KCNQ1: variants seen among roughly 807,000 people sequenced by gnomAD.
KCNQ1 encodes the protein potassium voltage-gated channel subfamily Q member 1.
In KCNQ1, 49 loss-of-function variants were observed where a neutral mutation model predicts 72.4. That is an observed-to-expected ratio of 0.68 (90% CI 0.54 to 0.86). The LOEUF (loss-of-function observed/expected upper bound fraction) is 0.86, where lower values mean the gene tolerates loss of function less well. Ranked by LOEUF, KCNQ1 falls within the 40% of genes least tolerant of loss-of-function variation. The pLI, the probability that KCNQ1 is intolerant of heterozygous loss-of-function variation, is 0.00. For synonymous variants in KCNQ1, 450 were observed against 412.6 expected, an observed-to-expected ratio of 1.09 and a Z score of -1.10; for missense variants, 790 against 945.1, an observed-to-expected ratio of 0.84 and a Z score of 2.15.
chr11:2,574,894 G>A (rs975618230), intron 6 of KCNQ1, among the ~76,000 whole-genome samples: 1 of 152,238 alleles, frequency 6.6e-6, no homozygotes, highest in Non-Finnish European at 1.5e-5. Context: ...GCAGGCCTGA[G>A]CAGGTTTGGG....
intron 1 of KCNQ1, chr11:2,461,474 C>T (rs1005389052): frequency 1.5e-6 from 2 of 1,290,874 alleles, no homozygotes; most frequent in African/African-American, 1.5e-5. Flanking sequence ...TGGCCTGGGG[C>T]TGTGAGAGGC....
Position 2,828,152 on chromosome 11 carries a change from G to T in KCNQ1, c.1795-19615G>T, listed in dbSNP as rs1847876198. ...GCCACGTGCAGAAAGGCACCCATGG[G>T]AACATGGCTCCTGGGAGCTGGAGGA... On this transcript the variant is annotated intron_variant, in intron 15 of 15. Transcript: ENST00000155840. This position sits in a 1 kb window ranked among gnomAD's most constrained non-coding sequence, Gnocchi z 5.3. Among the ~76,000 whole-genome samples the T allele has an allele frequency of 6.6e-6, 1 of 152,226 alleles. No individual in the cohort carries two copies. Among genetic ancestry groups the T allele is most frequent in the African/African-American group, 2.4e-5 (1 of 41,456 alleles).
At position 2,767,727 on chromosome 11, in the gene KCNQ1, T is replaced by C. The variant is rs1846523995; in HGVS notation, c.1515-1117T>C. On this transcript the variant is annotated intron_variant, in intron 11 of 15. Coordinates refer to ENST00000155840, the MANE Select transcript of KCNQ1 (RefSeq NM_000218.3). This position sits in a 1 kb window ranked among gnomAD's most constrained non-coding sequence, Gnocchi z 4.6. Reference sequence around the variant, plus strand: ...AAGCTTCTCTCCACAGTGCCATGCGTCTACTGAGTACTCTGCTTAGCTTTT... The same window carrying C: ...AAGCTTCTCTCCACAGTGCCATGCGCCTACTGAGTACTCTGCTTAGCTTTT... Among the ~76,000 whole-genome samples, 1 of 152,210 alleles carries C rather than the reference T, an allele frequency of 6.6e-6. No individual in the cohort carries two copies. The highest frequency in any genetic ancestry group is 1.5e-5 in the Non-Finnish European group (1 of 68,036).
intron 1 of KCNQ1, among the ~76,000 whole-genome samples, chr11:2,449,362 G>A (rs1049900996): frequency 9.2e-5 from 14 of 152,182 alleles, no homozygotes; most frequent in South Asian, 2.1e-4. Flanking sequence ...TGCATATAAC[G>A]TGCGGGCTGC....
At chr11:2,453,659 A>G (rs1322594433) in intron 1 of KCNQ1, among the ~76,000 whole-genome samples, 3 of 152,344 alleles carry the variant, frequency 2.0e-5, no homozygotes, top group Admixed American at 2.0e-4. Flanking sequence ...GCTGGTAGGC[A>G]TGCAAGAGGG....
chr11:2,838,944 C>T (rs2741955), intron 15 of KCNQ1, among the ~76,000 whole-genome samples: 6 of 152,184 alleles, frequency 3.9e-5, no homozygotes, highest in African/African-American at 9.7e-5. Context: ...CCAGCCTGCC[C>T]GACGTTCCTG....
intron 11 of KCNQ1, among the ~76,000 whole-genome samples, chr11:2,732,028 C>G (rs145457113): frequency 0.015 from 2,273 of 152,358 alleles, 19 homozygotes; most frequent in Non-Finnish European, 0.022. Flanking sequence ...CTTCCTCCCC[C>G]TTCAGAGGAA....
Position 2,725,493 on chromosome 11 carries a change from C to T in KCNQ1, c.1515-43351C>T, listed in dbSNP as rs924264025. The stretch of plus-strand genomic sequence containing the variant: ...CCGGTTGGGGGTCCCCAATCGTCTT[C>T]GAGCTACTGATATAGAACCTCTGCG... On this transcript the variant is annotated intron_variant, in intron 11 of 15. Transcript: ENST00000155840. This position sits in a 1 kb window ranked among gnomAD's most constrained non-coding sequence, Gnocchi z 7.2. Among the ~76,000 whole-genome samples the T allele has an allele frequency of 3.9e-5, 6 of 152,196 alleles. No individual in the cohort carries two copies. In the South Asian group the frequency reaches 6.2e-4, roughly 16 times the overall value.
At position 2,477,933 on chromosome 11, in the gene KCNQ1, G is replaced by A. The variant is rs773615351; in HGVS notation, c.386+32449G>A. 6.6e-6 allele frequency among the ~76,000 whole-genome samples: 1 copy of A among 152,130 alleles called. No homozygotes were observed. The highest frequency in any genetic ancestry group is 1.5e-5 in the Non-Finnish European group (1 of 68,000). On this transcript the variant is annotated intron_variant, in intron 1 of 15. Transcript: ENST00000155840. The surrounding 1 kb of genome is among the most constrained non-coding windows in gnomAD (Gnocchi z 5.0). ...CAAGGAAACCCCGTGGCAGGGGCAG[G>A]GGTTCAAAGAGCTGGTGGTTGTAGT...
At chr11:2,656,656 C>T (rs957161385) in intron 10 of KCNQ1, 53 of 398,284 alleles carry the variant, frequency 1.3e-4, no homozygotes, top group South Asian at 6.4e-4. Context: ...TTGTAGGAGT[C>T]CTTTGCATTT....
In KCNQ1 at chr11:2,816,709, C is replaced by T. The variant is rs1156353529; in HGVS notation, c.1795-31058C>T. Among the ~76,000 whole-genome samples, 25 of 152,060 alleles carry T rather than the reference C, an allele frequency of 1.6e-4. No homozygotes were observed. The highest frequency in any genetic ancestry group is 7.2e-4 in the Admixed American group (11 of 15,256). On this transcript the variant is annotated intron_variant, in intron 15 of 15. Coordinates refer to ENST00000155840, the MANE Select transcript of KCNQ1 (RefSeq NM_000218.3). The surrounding 1 kb of genome is among the most constrained non-coding windows in gnomAD (Gnocchi z 6.8). ...CTCCTGGAACATTCTGGCTCACTCCCGCCTCAGGCCCACTGCCCTGGCTGG... is the reference window on the plus strand; with the variant it reads ...CTCCTGGAACATTCTGGCTCACTCCTGCCTCAGGCCCACTGCCCTGGCTGG...
Position 2,647,481 on chromosome 11 carries a change from T to C in KCNQ1, c.1394-14480T>C. 5.0e-6 allele frequency: 2 copies of C among 398,570 alleles called. No individual in the cohort carries two copies. The highest frequency in any genetic ancestry group is 8.8e-6 in the Non-Finnish European group (2 of 226,044). The allele number at this position is 398,570 out of a possible 1,614,324, so 24.7% of individuals were successfully genotyped here. On this transcript the variant is annotated intron_variant, in intron 10 of 15. Transcript: ENST00000155840. This position sits in a 1 kb window ranked among gnomAD's most constrained non-coding sequence, Gnocchi z 4.0. ...CTTTTTTGCTGTTATTGTGTCCTTATCTGGTTTTGGTATCAAGATACTGCT... is the reference window on the plus strand; with the variant it reads ...CTTTTTTGCTGTTATTGTGTCCTTACCTGGTTTTGGTATCAAGATACTGCT...
Position 2,664,435 on chromosome 11 carries a change from C to T in KCNQ1, c.1514+2354C>T. ...ACGTACAGTGTCAGGGCCTAGGAAC[C>T]CAGGCTCCTCTGGGATACAGGCTGG... On this transcript the variant is annotated intron_variant, in intron 11 of 15. Transcript: ENST00000155840. This position sits in a 1 kb window ranked among gnomAD's most constrained non-coding sequence, Gnocchi z 5.1. The T allele has an allele frequency of 2.5e-6, 1 of 398,638 alleles. No individual in the cohort carries two copies. The highest frequency in any genetic ancestry group is 4.4e-6 in the Non-Finnish European group (1 of 226,104). 24.7% of individuals were successfully genotyped at this position (398,638 alleles called of 1,614,324 possible).
At chr11:2,807,447 G>GC (rs1452067178) in intron 15 of KCNQ1, among the ~76,000 whole-genome samples, 2 of 152,114 alleles carry the variant, frequency 1.3e-5, no homozygotes, top group South Asian at 2.1e-4. Context: ...GGGCCTCCTC[G>GC]CCCCCCCACT....
In KCNQ1 at chr11:2,817,603, G is replaced by GCTGGGCAGAGCC. The variant is rs58002815; in HGVS notation, c.1795-30156_1795-30145dup. On this transcript the variant is annotated intron_variant, in intron 15 of 15. Coordinates refer to ENST00000155840, the MANE Select transcript of KCNQ1 (RefSeq NM_000218.3). The surrounding 1 kb of genome is among the most constrained non-coding windows in gnomAD (Gnocchi z 6.1). ...GTCCCTGGCCAGGGAGGTGGAGGAC[G>GCTGGGCAGAGCC]CTGGGCAGAGCCCTGGGCATTAACT... Among the ~76,000 whole-genome samples the GCTGGGCAGAGCC allele has an allele frequency of 0.16, 24,191 of 151,886 alleles. 2,118 individuals carry two copies. Among genetic ancestry groups the GCTGGGCAGAGCC allele is most frequent in the South Asian group, 0.23 (1,124 of 4,790 alleles).
chr11:2,552,389 CGT>C (rs1367784685), intron 2 of KCNQ1, among the ~76,000 whole-genome samples: 5 of 152,096 alleles, frequency 3.3e-5, no homozygotes, highest in African/African-American at 1.2e-4. Context: ...ATCAGTTGGC[CGT>C]GTGTGTGGGT....
intron 11 of KCNQ1, chr11:2,672,934 C>A (rs1850213150): frequency 2.5e-6 from 1 of 398,726 alleles, no homozygotes. Flanking sequence ...GCAGGCCCAC[C>A]ACAGGTGGCA....
intron 2 of KCNQ1, among the ~76,000 whole-genome samples, chr11:2,540,784 G>C (rs1193571200): frequency 6.6e-6 from 1 of 152,250 alleles, no homozygotes; most frequent in African/African-American, 2.4e-5. Context: ...ACAGCCTGGG[G>C]ACTTGCTGTG....
chr11:2,780,415 T>G (rs1230677204), intron 15 of KCNQ1, among the ~76,000 whole-genome samples: 1 of 152,172 alleles, frequency 6.6e-6, no homozygotes, highest in Non-Finnish European at 1.5e-5. Flanking sequence ...CGCCCGGCCC[T>G]CGGAGGCCCA....
Sources: allele counts gnomAD v4.1 joint callset (sites outside exome capture counted in the v4.1 genomes callset), GRCh38; gene constraint gnomAD v4.1.1; non-coding constraint Gnocchi (gnomAD v3.1); transcripts MANE v1.5; gene names NCBI Gene and HGNC (gene_info 2026-07-23, HGNC 2026-07-21).